GLIS1: variants seen among roughly 807,000 people sequenced by gnomAD.
GLIS1 encodes the protein zinc finger protein GLIS1.
Under a neutral mutation model 63.8 loss-of-function variants are expected in GLIS1, and 24 were observed. That is an observed-to-expected ratio of 0.38 (90% CI 0.27 to 0.53). GLIS1 has a LOEUF of 0.53. GLIS1 is among the 20% of genes least tolerant of loss of function. GLIS1 has a pLI of 0.85. For missense variants in GLIS1, 1,036 were observed against 1,074.1 expected (o/e 0.96, Z 0.50); for synonymous variants, 450 against 482.5 (o/e 0.93, Z 0.88).
intron 7 of GLIS1, among the ~76,000 whole-genome samples, chr1:53,519,384 A>G (rs569022420): frequency 1.8e-4 from 28 of 152,376 alleles, no homozygotes; most frequent in African/African-American, 6.7e-4. Context: ...AAGTGCTTTG[A>G]TATATTTTTA....
intron 2 of GLIS1, among the ~76,000 whole-genome samples, chr1:53,663,556 C>T (rs1433285543): frequency 1.3e-5 from 2 of 152,232 alleles, no homozygotes; most frequent in Admixed American, 1.3e-4. Flanking sequence ...GGGAGAACCC[C>T]AAGCTGGGCT....
intron 2 of GLIS1, among the ~76,000 whole-genome samples, chr1:53,735,853 G>T (rs922759067): frequency 6.6e-6 from 1 of 152,024 alleles, no homozygotes; most frequent in East Asian, 1.9e-4. Context: ...GGTTTGTCTC[G>T]GGCCACTTGG....
intron 2 of GLIS1, among the ~76,000 whole-genome samples, chr1:53,627,621 C>T (rs1238538826): frequency 6.6e-6 from 1 of 152,206 alleles, no homozygotes; most frequent in African/African-American, 2.4e-5. Flanking sequence ...ATAAATCATG[C>T]AGACAGTCTA....
At chr1:53,565,283 G>GA (rs1644927665) in intron 4 of GLIS1, among the ~76,000 whole-genome samples, 1 of 151,804 alleles carries the variant, frequency 6.6e-6, no homozygotes, top group Non-Finnish European at 1.5e-5. Flanking sequence ...GTTTATGCTA[G>GA]AAAAAAAGGC....
intron 4 of GLIS1, among the ~76,000 whole-genome samples, chr1:53,576,091 C>T (rs1321166204): frequency 1.3e-5 from 2 of 152,012 alleles, no homozygotes; most frequent in Non-Finnish European, 2.9e-5. Context: ...CTTTCCTACC[C>T]GTCCCCCTCA....
chr1:53,571,475 T>C (rs1016053529), intron 4 of GLIS1, among the ~76,000 whole-genome samples: 1 of 152,196 alleles, frequency 6.6e-6, no homozygotes, highest in African/African-American at 2.4e-5. Flanking sequence ...ACAACCCAAA[T>C]GTCCATCAAC....
intron 4 of GLIS1, among the ~76,000 whole-genome samples, chr1:53,575,742 CACAA>C (rs770468212): frequency 1.3e-5 from 2 of 152,190 alleles, no homozygotes; most frequent in African/African-American, 2.4e-5. Flanking sequence ...AATGAACACA[CACAA>C]ACAGTGACAC....
chr1:53,574,398 C>T lies in GLIS1; in HGVS notation c.1320+19710G>A, dbSNP rs1645012048. On this transcript the variant is annotated intron_variant, in intron 4 of 10. Coordinates refer to ENST00000628545, the MANE Select transcript of GLIS1 (RefSeq NM_001367484.1). The surrounding 1 kb of genome is among the most constrained non-coding windows in gnomAD (Gnocchi z 4.2). ...TATTGAATGAATGAACACTTCTCAC[C>T]TTGGAAGACAGGCATCATTACTGCC... Among the ~76,000 whole-genome samples, 3 of 152,176 alleles carry T rather than the reference C, an allele frequency of 2.0e-5. No individual in the cohort carries two copies. The highest frequency in any genetic ancestry group is 7.2e-5 in the African/African-American group (3 of 41,430).
chr1:53,524,140 T>A (rs1335408697), intron 6 of GLIS1, among the ~76,000 whole-genome samples: 1 of 152,258 alleles, frequency 6.6e-6, no homozygotes, highest in Non-Finnish European at 1.5e-5. Context: ...AAGTCCTTTT[T>A]TGTCCCCTCT....
chr1:53,689,618 CCAAA>C (rs781482596), intron 2 of GLIS1, among the ~76,000 whole-genome samples: 22 of 152,234 alleles, frequency 1.4e-4, no homozygotes, highest in Non-Finnish European at 3.2e-4. Context: ...AACACTTAGC[CCAAA>C]CAAAGACTTA....
At chr1:53,738,803 ACACACCCG>A (rs906453424) in intron 1 of GLIS1, among the ~76,000 whole-genome samples, 1 of 151,906 alleles carries the variant, frequency 6.6e-6, no homozygotes, top group African/African-American at 2.4e-5. Flanking sequence ...GGCCGCCGCC[ACACACCCG>A]CACACCCGCC....
intron 2 of GLIS1, among the ~76,000 whole-genome samples, chr1:53,605,141 G>T (rs1645357558): frequency 6.6e-6 from 1 of 152,030 alleles, no homozygotes; most frequent in African/African-American, 2.4e-5. Flanking sequence ...GGATTTTACA[G>T]GGTGGAGCTG....
At chr1:53,708,713 C>T (rs539948644) in intron 2 of GLIS1, among the ~76,000 whole-genome samples, 2 of 152,248 alleles carry the variant, frequency 1.3e-5, no homozygotes, top group South Asian at 4.2e-4. Context: ...CCCAGGCTGA[C>T]CTCTGGCTTC....
At chr1:53,622,819 G>A (rs1156491274) in intron 2 of GLIS1, among the ~76,000 whole-genome samples, 4 of 152,180 alleles carry the variant, frequency 2.6e-5, no homozygotes, top group Non-Finnish European at 4.4e-5. Context: ...AACTATAAGA[G>A]GATAAATATC....
chr1:53,508,339 T>G (rs1045974174), intron 10 of GLIS1, among the ~76,000 whole-genome samples: 2 of 152,118 alleles, frequency 1.3e-5, no homozygotes, highest in African/African-American at 4.8e-5. Flanking sequence ...TCAGTGCTTG[T>G]CCCTATATAC....
chr1:53,588,444 C>T (rs1569872805), intron 4 of GLIS1, among the ~76,000 whole-genome samples: 1 of 152,212 alleles, frequency 6.6e-6, no homozygotes, highest in South Asian at 2.1e-4. Flanking sequence ...GGGAACTTTC[C>T]CTGCCCACTG....
chr1:53,577,138 C>G (rs4927010), intron 4 of GLIS1, among the ~76,000 whole-genome samples: 27,718 of 149,362 alleles, frequency 0.19, 3,579 homozygotes, highest in African/African-American at 0.36. Context: ...CCTCCCCCCC[C>G]TCCATGCTTC....
chr1:53,630,143 C>T (rs992685993), intron 2 of GLIS1, among the ~76,000 whole-genome samples: 4 of 152,150 alleles, frequency 2.6e-5, no homozygotes, highest in Admixed American at 6.5e-5. Flanking sequence ...AATATCAAAT[C>T]ATGAGTGTTT....
intron 4 of GLIS1, among the ~76,000 whole-genome samples, chr1:53,590,442 T>C (rs140136550): frequency 1.2e-3 from 177 of 152,216 alleles, no homozygotes; most frequent in African/African-American, 4.1e-3. Flanking sequence ...AAACCCAAGG[T>C]AGAGAAGGGC....
Sources: gnomAD v4.1 joint callset for allele counts (sites outside exome capture counted in the v4.1 genomes callset) on GRCh38, gnomAD v4.1.1 for gene constraint, Gnocchi (gnomAD v3.1) non-coding constraint, MANE v1.5 for transcripts, NCBI Gene and HGNC (gene_info 2026-07-23, HGNC 2026-07-21) for gene names.